LRP4: variants seen among roughly 807,000 people sequenced by gnomAD.
LRP4 encodes the protein LDL receptor related protein 4, also known as low-density lipoprotein receptor-related protein 4.
Under a neutral mutation model 220.3 loss-of-function variants are expected in LRP4, and 95 were observed. The ratio of observed to expected loss-of-function variants is 0.43; its 90% CI spans 0.37 to 0.51. LRP4 has a LOEUF of 0.51. Among genes scored for constraint, LRP4 ranks in the 20% least tolerant of loss-of-function variants. The probability of loss-of-function intolerance (pLI) is 0.00; values close to 1 mark genes in which losing one functional copy is unlikely to be tolerated. For synonymous variants in LRP4, 903 were observed against 954.6 expected (o/e 0.95, Z 1.00); for missense variants, 1,925 against 2,567.0 (o/e 0.75, Z 5.40).
chr11:46,916,516 AC>A (rs1212905026), intron 1 of LRP4, among the ~76,000 whole-genome samples: 1 of 152,018 alleles, frequency 6.6e-6, no homozygotes, highest in African/African-American at 2.4e-5. Context: ...CATTAGACAT[AC>A]GCAATTCTCT....
At position 46,899,538 on chromosome 11, in the gene LRP4, G is replaced by A. The variant is rs753836851; in HGVS notation, c.431-35C>T. 1.9e-5 allele frequency: 27 copies of A among 1,428,802 alleles called. No homozygotes were observed. The highest frequency in any genetic ancestry group is 2.5e-5 in the Non-Finnish European group (25 of 1,015,940). 88.5% of individuals were successfully genotyped at this position (1,428,802 alleles called of 1,614,324 possible). ...TGCGATGGGACAGCAGTTCTGAGGG[G>A]GCCCCACAGGCAACCCTCTCACCCT... is the stretch of plus-strand genomic sequence containing the variant. On this transcript the variant is annotated intron_variant, in intron 4 of 37. Transcript: ENST00000378623. The surrounding 1 kb of genome is among the most constrained non-coding windows in gnomAD (Gnocchi z 5.9).
Position 46,895,415 on chromosome 11 carries a change from C to T in LRP4, c.1184-124G>A, listed in dbSNP as rs901895452. ...TTTCCAGGCCTAGTGGGAAGGCTGT[C>T]TAAGAAATGGTTAAGGGCGGCCGGG... On this transcript the variant is annotated intron_variant, in intron 10 of 37. Transcript: ENST00000378623. 5 of 1,386,364 alleles carry T rather than the reference C, an allele frequency of 3.6e-6. No individual in the cohort carries two copies. In the African/African-American group the frequency reaches 5.7e-5, roughly 16 times the overall value. The allele number at this position is 1,386,364 out of a possible 1,614,324, so 85.9% of individuals were successfully genotyped here.
At position 46,886,531 on chromosome 11, in the gene LRP4, G is replaced by A; in HGVS notation, c.2218C>T (p.Leu740Phe). The change falls in exon 17 of 38, where the codon CTT becomes TTT. Residue 740 changes from leucine (L) to phenylalanine (F), a missense_variant and splice_region_variant. Transcript: ENST00000378623. ...CGGGCAAAAAGCAGGAACTTGTCAA[G>A]ACCTGATCAAAGGCCGAAAGGGGTC... ...KISSHACAQS[L>F]DKFLLFARRM... 6.2e-7 allele frequency: 1 copy of A among 1,613,960 alleles called. No homozygotes were observed. The highest frequency in any genetic ancestry group is 1.1e-5 in the South Asian group (1 of 91,036).
Position 46,890,412 on chromosome 11 carries a change from C to G in LRP4, c.1780G>C (p.Asp594His). The part of the protein sequence containing the change: ...MDGSGRRIIA[D>H]THLFWPNGLT... ...CCATTGGGCCAGAAGAGATGGGTATCGGCAATGATGCGGCGTCCAGAGCCA... is the reference window on the plus strand; with the variant it reads ...CCATTGGGCCAGAAGAGATGGGTATGGGCAATGATGCGGCGTCCAGAGCCA... The change falls in exon 14 of 38, where the codon GAT (aspartate) becomes CAT (histidine). Residue 594 changes from aspartate to histidine, a missense_variant. By Grantham distance (81) the Asp-to-His change is moderately conservative (BLOSUM62 -1). Coordinates refer to ENST00000378623, the MANE Select transcript of LRP4 (RefSeq NM_002334.4). This position sits in a 1 kb window ranked among gnomAD's most constrained non-coding sequence, Gnocchi z 5.3. The G allele has an allele frequency of 6.2e-7, 1 of 1,614,102 alleles. No individual in the cohort carries two copies. The highest frequency in any genetic ancestry group is 2.2e-5 in the East Asian group (1 of 44,870).
intron 30 of LRP4, among the ~76,000 whole-genome samples, chr11:46,872,399 A>C (rs1940892076): frequency 6.6e-6 from 1 of 152,112 alleles, no homozygotes; most frequent in South Asian, 2.1e-4. Flanking sequence ...ACTGCTTTAG[A>C]GCCCCTTCCC....
chr11:46,902,661 C>A, intron 2 of LRP4, 122 bp downstream of exon 2: 1 of 1,175,154 alleles, frequency 8.5e-7, no homozygotes, highest in South Asian at 1.3e-5. Flanking sequence ...ATCAAGCTTG[C>A]AAAAGACCAA....
At chr11:46,905,390 T>C (rs181395511) in intron 1 of LRP4, among the ~76,000 whole-genome samples, 234 of 152,252 alleles carry the variant, frequency 1.5e-3, no homozygotes, top group African/African-American at 5.4e-3. Context: ...ATCCCCTTCA[T>C]GGGGTATCAT....
intron 36 of LRP4, 142 bp from the exon 37 acceptor site, chr11:46,862,889 C>A (rs897360027): frequency 5.5e-6 from 4 of 733,352 alleles, no homozygotes; most frequent in Non-Finnish European, 9.7e-6. Context: ...CTTAAGAATC[C>A]CCTCCCCTTG....
chr11:46,908,984 G>A (rs1941807868), intron 1 of LRP4, among the ~76,000 whole-genome samples: 1 of 152,246 alleles, frequency 6.6e-6, no homozygotes, highest in Admixed American at 6.5e-5. Context: ...GTAAGTAGGA[G>A]AGCCAGGATG....
chr11:46,860,615 C>T (rs1940519909), intron 37 of LRP4, among the ~76,000 whole-genome samples: 2 of 152,146 alleles, frequency 1.3e-5, no homozygotes, highest in African/African-American at 4.8e-5. Flanking sequence ...AATTCAATTC[C>T]ACAGATATTT....
At chr11:46,908,597 G>A (rs1941800775) in intron 1 of LRP4, among the ~76,000 whole-genome samples, 7 of 152,082 alleles carry the variant, frequency 4.6e-5, no homozygotes, top group Admixed American at 4.6e-4. Context: ...GTCAAAAGGG[G>A]GAATTTACAA....
chr11:46,886,698 G>A (rs1026731547), intron 16 of LRP4, among the ~76,000 whole-genome samples, 165 bp from the exon 17 acceptor site: 3 of 152,290 alleles, frequency 2.0e-5, no homozygotes, highest in African/African-American at 7.2e-5. Context: ...GCACTGCCAT[G>A]CTAGCAGAAT....
In LRP4 at chr11:46,882,627, C is replaced by T. The variant is rs376122882; in HGVS notation, c.2613-724G>A. On this transcript the variant is annotated intron_variant, in intron 19 of 37. Coordinates refer to ENST00000378623, the MANE Select transcript of LRP4 (RefSeq NM_002334.4). ...AACACTTTGGGAGGCTGAAGCAGGA[C>T]GATTGCTTTAGCTCAGAAGTTTGAC... 9.2e-5 allele frequency among the ~76,000 whole-genome samples: 14 copies of T among 152,074 alleles called. No individual in the cohort carries two copies. In the East Asian group the frequency reaches 2.7e-3, roughly 29 times the overall value.
Position 46,859,444 on chromosome 11 carries a change from G to A in LRP4, c.5386-129C>T, listed in dbSNP as rs1342244025. ...CGCACAAAAATCCCACAAACAAATG[G>A]GGAAATGTGATTAAGACAAGTGTAT... On this transcript the variant is annotated intron_variant, in intron 37 of 37. Coordinates refer to ENST00000378623, the MANE Select transcript of LRP4 (RefSeq NM_002334.4). 4 of 739,174 alleles carry A rather than the reference G, an allele frequency of 5.4e-6. No homozygotes were observed. The East Asian group carries it at 7.9e-5, about 15-fold the overall frequency. 45.8% of individuals were successfully genotyped at this position (739,174 alleles called of 1,614,324 possible). A position where few individuals can be genotyped will look rare whatever the true frequency, so the allele number is the denominator to read the frequency against.
Position 46,865,145 on chromosome 11 carries a change from G to GA in LRP4, c.5128dup (p.Ser1710PhefsTer3). On this transcript the variant is annotated frameshift_variant, in exon 35 of 38. Transcript: ENST00000378623. LOFTEE classifies it high-confidence loss of function. ...TGGAGCAGCAGGAACAGCGTCATTG[G>GA]AACGTGCACAGAGGCCCAGCCTGGC... 6.4e-7 allele frequency: 1 copy of GA among 1,562,982 alleles called. No homozygotes were observed. Among genetic ancestry groups the GA allele is most frequent in the Non-Finnish European group, 8.7e-7 (1 of 1,152,574 alleles).
chr11:46,894,281 G>A (rs1347735428), intron 12 of LRP4, among the ~76,000 whole-genome samples: 1 of 152,114 alleles, frequency 6.6e-6, no homozygotes, highest in Non-Finnish European at 1.5e-5. Context: ...ACAAAACTCA[G>A]AAATAAACTA....
Position 46,898,344 on chromosome 11 carries a change from C to A in LRP4, c.796+214G>T, listed in dbSNP as rs7112518. ...GGGATTACAGGCATGCGCCACCACACCCAGCTAAGTTTTGTATTTTTAGTA... is the reference window on the plus strand; with the variant it reads ...GGGATTACAGGCATGCGCCACCACAACCAGCTAAGTTTTGTATTTTTAGTA... On this transcript the variant is annotated intron_variant, in intron 7 of 37. Transcript: ENST00000378623. Among the ~76,000 whole-genome samples, 22,449 of 152,216 alleles carry A rather than the reference C, an allele frequency of 0.15. 2,525 individuals are homozygous for A. The highest frequency in any genetic ancestry group is 0.32 in the African/African-American group (13,302 of 41,472).
chr11:46,859,361 C>T, intron 37 of LRP4, 46 bp from the exon 38 acceptor site: 1 of 1,394,044 alleles, frequency 7.2e-7, no homozygotes, highest in South Asian at 1.2e-5. Context: ...TGGCCTTCTA[C>T]AAAGGATCCC....
At chr11:46,861,523 C>CT (rs576719115) in intron 37 of LRP4, among the ~76,000 whole-genome samples, 2,868 of 83,284 alleles carry the variant, frequency 0.034, 328 homozygotes, top group African/African-American at 0.099. Flanking sequence ...GGAAATGGGA[C>CT]TTTTTTTTTT....
Sources: allele counts gnomAD v4.1 joint callset (sites outside exome capture counted in the v4.1 genomes callset), GRCh38; gene constraint gnomAD v4.1.1; non-coding constraint Gnocchi (gnomAD v3.1); transcripts MANE v1.5; gene names NCBI Gene and HGNC (gene_info 2026-07-23, HGNC 2026-07-21).